Variants in ZNF804A observed in about 807,000 individuals in gnomAD.
ZNF804A encodes zinc finger protein 804A.
In ZNF804A, 2 loss-of-function variants were observed where a neutral mutation model predicts 16.5. The ratio of observed to expected loss-of-function variants is 0.12; its 90% CI spans 0.05 to 0.38. The LOEUF (loss-of-function observed/expected upper bound fraction) is 0.38. Among genes scored for constraint, ZNF804A ranks in the 10% least tolerant of loss-of-function variants. The probability of loss-of-function intolerance (pLI) is 0.99; values close to 1 mark genes in which losing one functional copy is unlikely to be tolerated. For synonymous variants in ZNF804A, 534 were observed against 489.6 expected, an observed-to-expected ratio of 1.09 and a Z score of -1.20; for missense variants, 1,473 against 1,390.7, an observed-to-expected ratio of 1.06 and a Z score of -0.94.
chr2:184,737,106 G>A (rs1693630875), intron 1 of ZNF804A, among the ~76,000 whole-genome samples: 4 of 151,608 alleles, frequency 2.6e-5, no homozygotes, highest in Admixed American at 2.6e-4. Context: ...ACCCAGGCTG[G>A]AGTGTAGTGG....
chr2:184,648,331 T>A (rs1472772370), intron 1 of ZNF804A, among the ~76,000 whole-genome samples: 1 of 151,836 alleles, frequency 6.6e-6, no homozygotes, highest in African/African-American at 2.4e-5. Context: ...AGCCCACAGG[T>A]CATATAAAAC....
intron 1 of ZNF804A, among the ~76,000 whole-genome samples, chr2:184,668,882 G>A (rs909515779): frequency 1.5e-4 from 23 of 151,888 alleles, no homozygotes; most frequent in African/African-American, 4.8e-4. Context: ...GAATTGGTAG[G>A]CCTAGAGACT....
intron 1 of ZNF804A, among the ~76,000 whole-genome samples, chr2:184,770,394 A>G (rs1694191584): frequency 6.6e-6 from 1 of 152,068 alleles, no homozygotes; most frequent in African/African-American, 2.4e-5. Flanking sequence ...AATTGGCCAG[A>G]AAGAATGTCA....
chr2:184,808,569 A>G (rs569657914), intron 1 of ZNF804A, among the ~76,000 whole-genome samples: 44 of 151,690 alleles, frequency 2.9e-4, no homozygotes, highest in Non-Finnish European at 4.9e-4. Flanking sequence ...TTTAAAGCAT[A>G]TATCATTTAG....
chr2:184,932,849 C>T (rs1685723662), intron 2 of ZNF804A, among the ~76,000 whole-genome samples: 1 of 152,046 alleles, frequency 6.6e-6, no homozygotes, highest in Admixed American at 6.6e-5. Context: ...GTTTTTCTTG[C>T]CATCAACCCA....
At chr2:184,903,377 A>G (rs901790256) in intron 2 of ZNF804A, among the ~76,000 whole-genome samples, 1 of 152,142 alleles carries the variant, frequency 6.6e-6, no homozygotes, top group East Asian at 1.9e-4. Context: ...AAATACACGT[A>G]TACTTACCAT....
chr2:184,680,453 C>T (rs1692520911), intron 1 of ZNF804A, among the ~76,000 whole-genome samples: 1 of 152,226 alleles, frequency 6.6e-6, no homozygotes, highest in Admixed American at 6.5e-5. Flanking sequence ...AAGAGCTACC[C>T]ACTATGGGTC....
chr2:184,738,113 T>C (rs556458086), intron 1 of ZNF804A, among the ~76,000 whole-genome samples: 3 of 131,666 alleles, frequency 2.3e-5, no homozygotes, highest in Non-Finnish European at 4.8e-5. Context: ...GCAACAAGAG[T>C]GGAACTTTGT....
chr2:184,820,917 G>C (rs1558971847), intron 1 of ZNF804A, among the ~76,000 whole-genome samples: 2 of 151,940 alleles, frequency 1.3e-5, no homozygotes, highest in Admixed American at 6.6e-5. Context: ...AAATCAGAGA[G>C]GCCACAAACA....
At chr2:184,852,239 C>CTCTCTCTCTT (rs1335072833) in intron 1 of ZNF804A, among the ~76,000 whole-genome samples, 30 of 148,604 alleles carry the variant, frequency 2.0e-4, no homozygotes, top group African/African-American at 7.7e-4. Context: ...TTCTCTCTCT[C>CTCTCTCTCTT]TCTCTCTCTC....
intron 1 of ZNF804A, among the ~76,000 whole-genome samples, chr2:184,658,367 T>G (rs1293285182): frequency 2.0e-5 from 3 of 152,132 alleles, no homozygotes; most frequent in Non-Finnish European, 4.4e-5. Flanking sequence ...TCCCAGCTAC[T>G]CTGGTTGAGC....
chr2:184,880,611 G>A (rs1014122226), intron 2 of ZNF804A, among the ~76,000 whole-genome samples: 2 of 151,950 alleles, frequency 1.3e-5, no homozygotes, highest in Admixed American at 1.3e-4. Flanking sequence ...TTTTTTTTGA[G>A]ATCTCATGTT....
At chr2:184,747,107 C>T (rs1289495140) in intron 1 of ZNF804A, among the ~76,000 whole-genome samples, 1 of 150,950 alleles carries the variant, frequency 6.6e-6, no homozygotes, top group Non-Finnish European at 1.5e-5. Flanking sequence ...TGAGCCAGTT[C>T]AACATTAATA....
At chr2:184,801,658 T>A (rs1392721774) in intron 1 of ZNF804A, among the ~76,000 whole-genome samples, 1 of 152,230 alleles carries the variant, frequency 6.6e-6, no homozygotes. Context: ...TTAGAGTTTT[T>A]ACGTTTCTGC....
At chr2:184,750,625 T>C (rs1301274248) in intron 1 of ZNF804A, among the ~76,000 whole-genome samples, 1 of 151,396 alleles carries the variant, frequency 6.6e-6, no homozygotes, top group Non-Finnish European at 1.5e-5. Flanking sequence ...CATAAACTTA[T>C]CCAATAATCT....
chr2:184,646,498 C>T (rs1574145382), intron 1 of ZNF804A, among the ~76,000 whole-genome samples: 1 of 152,308 alleles, frequency 6.6e-6, no homozygotes, highest in Non-Finnish European at 1.5e-5. Flanking sequence ...GCAACCTGAC[C>T]TGCCCCACCC....
intron 1 of ZNF804A, among the ~76,000 whole-genome samples, chr2:184,610,614 A>G (rs904980205): frequency 6.6e-6 from 1 of 152,172 alleles, no homozygotes. Context: ...GACCCCCAAG[A>G]AAGTATCAAT....
At chr2:184,906,856 G>A (rs953892548) in intron 2 of ZNF804A, among the ~76,000 whole-genome samples, 1 of 152,120 alleles carries the variant, frequency 6.6e-6, no homozygotes, top group Admixed American at 6.5e-5. Context: ...AAAAGAGGAA[G>A]CCAGAGATTT....
At chr2:184,923,898 T>G (rs1035138125) in intron 2 of ZNF804A, among the ~76,000 whole-genome samples, 1 of 152,000 alleles carries the variant, frequency 6.6e-6, no homozygotes, top group Non-Finnish European at 1.5e-5. Flanking sequence ...CTGGGATACA[T>G]TCCTCTTGGT....
Sources: gnomAD v4.1 joint callset for allele counts (sites outside exome capture counted in the v4.1 genomes callset) on GRCh38, gnomAD v4.1.1 for gene constraint, MANE v1.5 for transcripts, NCBI Gene and HGNC (gene_info 2026-07-23, HGNC 2026-07-21) for gene names.